Variants in CTNNA3 observed in about 807,000 individuals in gnomAD.
The protein encoded by CTNNA3 is catenin alpha 3, also known as catenin alpha-3.
CTNNA3 carries 76 observed loss-of-function variants against 95.7 expected under a neutral mutation model. The ratio of observed to expected loss-of-function variants is 0.79; its 90% CI spans 0.66 to 0.96. The LOEUF (loss-of-function observed/expected upper bound fraction) is 0.96. Ranked by LOEUF, CTNNA3 falls within the 40% of genes least tolerant of loss-of-function variation. The pLI, the probability that CTNNA3 is intolerant of heterozygous loss-of-function variation, is 0.00. For synonymous variants in CTNNA3, 431 were observed against 374.4 expected (o/e 1.15, Z -1.74); for missense variants, 1,191 against 1,089.8 (o/e 1.09, Z -1.31).
chr10:66,374,879 T>C (rs1012397265), intron 12 of CTNNA3, among the ~76,000 whole-genome samples: 1 of 151,904 alleles, frequency 6.6e-6, no homozygotes, highest in Admixed American at 6.6e-5. Context: ...CCTCCAAAAG[T>C]GCTGGGATTA....
At chr10:66,717,747 G>C (rs1848499430) in intron 9 of CTNNA3, among the ~76,000 whole-genome samples, 1 of 152,098 alleles carries the variant, frequency 6.6e-6, no homozygotes, top group Non-Finnish European at 1.5e-5. Context: ...CAGCGACTTT[G>C]ATAGCTCTGG....
chr10:66,110,263 G>A (rs760178017), intron 13 of CTNNA3, among the ~76,000 whole-genome samples: 16 of 151,324 alleles, frequency 1.1e-4, no homozygotes, highest in Non-Finnish European at 1.8e-4. Flanking sequence ...TAGGGAGGCT[G>A]AGGCAAGGGA....
chr10:65,963,175 G>C (rs907658070), intron 17 of CTNNA3, among the ~76,000 whole-genome samples: 1 of 150,062 alleles, frequency 6.7e-6, no homozygotes, highest in Non-Finnish European at 1.5e-5. Flanking sequence ...ACTCTCAATT[G>C]CCTACAGGGT....
At position 65,913,789 on chromosome 10, in the gene CTNNA3, C is replaced by T. The variant is rs547953096; in HGVS notation, c.*6541G>A. The T allele has an allele frequency of 6.6e-6, 1 of 152,022 alleles. No individual in the cohort carries two copies. Among genetic ancestry groups the T allele is most frequent in the African/African-American group, 2.4e-5 (1 of 41,378 alleles). The allele number at this position is 152,022 out of a possible 1,614,324, so 9.4% of individuals were successfully genotyped here. A position where few individuals can be genotyped will look rare whatever the true frequency, so the allele number is the denominator to read the frequency against. Reference sequence around the variant, plus strand: ...CACTACAAATCTGGTGTTAAAAGCCCAGGTCAAGGAAATCCCTTAGTAGAA... The same window carrying T: ...CACTACAAATCTGGTGTTAAAAGCCTAGGTCAAGGAAATCCCTTAGTAGAA... On this transcript the variant is annotated 3_prime_UTR_variant, in exon 18 of 18. Coordinates refer to ENST00000433211, the MANE Select transcript of CTNNA3 (RefSeq NM_013266.4).
chr10:66,875,561 T>G (rs1844584361), intron 7 of CTNNA3, among the ~76,000 whole-genome samples: 1 of 152,132 alleles, frequency 6.6e-6, no homozygotes, highest in African/African-American at 2.4e-5. Flanking sequence ...ATTCAATCTA[T>G]CAATCCAACA....
chr10:67,409,269 T>C (rs1845274634), intron 5 of CTNNA3, among the ~76,000 whole-genome samples: 1 of 152,026 alleles, frequency 6.6e-6, no homozygotes, highest in Non-Finnish European at 1.5e-5. Flanking sequence ...CATGCTACTA[T>C]AAAGACGCAT....
intron 5 of CTNNA3, among the ~76,000 whole-genome samples, chr10:67,332,658 A>G (rs1345172471): frequency 8.6e-6 from 1 of 116,834 alleles, no homozygotes; most frequent in Non-Finnish European, 2.0e-5. Context: ...AGCTCAGTTT[A>G]TCCTGTTAGC....
At chr10:66,656,297 A>C (rs1035559681) in intron 9 of CTNNA3, among the ~76,000 whole-genome samples, 1 of 152,138 alleles carries the variant, frequency 6.6e-6, no homozygotes, top group African/African-American at 2.4e-5. Context: ...TTCAATACTT[A>C]AGTAGTTGCT....
At chr10:67,240,912 A>G (rs1865695508) in intron 5 of CTNNA3, among the ~76,000 whole-genome samples, 1 of 152,210 alleles carries the variant, frequency 6.6e-6, no homozygotes, top group Non-Finnish European at 1.5e-5. Flanking sequence ...AAGCAAATAC[A>G]ATATGTATTA....
chr10:67,389,458 A>C (rs1844354962), intron 5 of CTNNA3, among the ~76,000 whole-genome samples: 1 of 152,056 alleles, frequency 6.6e-6, no homozygotes, highest in Non-Finnish European at 1.5e-5. Context: ...ACACATTAAA[A>C]ATGGGAGACT....
rs561556581 is a variant in CTNNA3 at position 66,303,072 on chromosome 10, A to T, written c.1733-22451T>A. On this transcript the variant is annotated intron_variant, in intron 12 of 17. Transcript: ENST00000433211. ...GAACACCTTTAATTTGACATAGCACATTCACAAAAATTTACCGCAAACGTG... is the reference window on the plus strand; with the variant it reads ...GAACACCTTTAATTTGACATAGCACTTTCACAAAAATTTACCGCAAACGTG... Among the ~76,000 whole-genome samples the T allele has an allele frequency of 2.6e-5, 4 of 152,278 alleles. No homozygotes were observed. The South Asian group carries it at 8.3e-4, about 32-fold the overall frequency.
chr10:66,307,035 T>A (rs920963416), intron 12 of CTNNA3, among the ~76,000 whole-genome samples: 1 of 152,150 alleles, frequency 6.6e-6, no homozygotes. Flanking sequence ...TTTTTATGTG[T>A]TAATTCACTT....
intron 12 of CTNNA3, among the ~76,000 whole-genome samples, chr10:66,286,599 A>G (rs548231393): frequency 3.3e-5 from 5 of 152,074 alleles, no homozygotes; most frequent in Non-Finnish European, 7.4e-5. Flanking sequence ...GGTATCCTGA[A>G]CTAGAGGAAC....
At chr10:66,975,897 C>T (rs537923364) in intron 7 of CTNNA3, among the ~76,000 whole-genome samples, 71 of 152,228 alleles carry the variant, frequency 4.7e-4, no homozygotes, top group African/African-American at 1.6e-3. Context: ...ATATCAATAC[C>T]TCCTTATAGG....
At chr10:66,998,342 T>C (rs1851473704) in intron 7 of CTNNA3, among the ~76,000 whole-genome samples, 1 of 152,152 alleles carries the variant, frequency 6.6e-6, no homozygotes. Context: ...GATAGAACAA[T>C]ATTTTTTAAA....
intron 10 of CTNNA3, among the ~76,000 whole-genome samples, chr10:66,550,989 C>A (rs1842197941): frequency 1.3e-5 from 2 of 151,524 alleles, no homozygotes; most frequent in South Asian, 2.1e-4. Flanking sequence ...CATTGAAAAC[C>A]CCACCAGATA....
chr10:66,361,795 C>T (rs1008185677), intron 12 of CTNNA3, among the ~76,000 whole-genome samples: 1 of 152,104 alleles, frequency 6.6e-6, no homozygotes, highest in African/African-American at 2.4e-5. Flanking sequence ...TCCTCAGCCC[C>T]CCAAAGTGCT....
chr10:66,064,981 TAC>T (rs2080283444), intron 15 of CTNNA3, among the ~76,000 whole-genome samples: 1 of 152,188 alleles, frequency 6.6e-6, no homozygotes, highest in South Asian at 2.1e-4. Context: ...GCAAATTTCA[TAC>T]ATTCATACAA....
At chr10:67,372,986 T>C (rs962929012) in intron 5 of CTNNA3, among the ~76,000 whole-genome samples, 1 of 152,018 alleles carries the variant, frequency 6.6e-6, no homozygotes, top group African/African-American at 2.4e-5. Context: ...GTACTAAACA[T>C]GGAAAGGAAC....
Sources: gnomAD v4.1 joint callset for allele counts (sites outside exome capture counted in the v4.1 genomes callset) on GRCh38, gnomAD v4.1.1 for gene constraint, MANE v1.5 for transcripts, NCBI Gene and HGNC (gene_info 2026-07-23, HGNC 2026-07-21) for gene names.